The following SH3YL1 variants were observed in gnomAD, a reference collection of about 807,000 sequenced individuals.
SH3YL1 encodes the protein SH3 and SYLF domain containing 1, also known as SH3 domain-containing YSC84-like protein 1.
In SH3YL1, 41 loss-of-function variants were observed where a neutral mutation model predicts 45.8. That is an observed-to-expected ratio of 0.89 (90% CI 0.70 to 1.16). The LOEUF is 1.16. SH3YL1 is among the 50% of genes most tolerant of loss of function. SH3YL1 has a pLI of 0.00. For missense variants in SH3YL1, 389 were observed against 409.6 expected, an observed-to-expected ratio of 0.95 and a Z score of 0.43; for synonymous variants, 152 against 151.4, an observed-to-expected ratio of 1.00 and a Z score of -0.03.
chr2:255,560 G>C (rs1206903077), intron 1 of SH3YL1, among the ~76,000 whole-genome samples: 1 of 152,094 alleles, frequency 6.6e-6, no homozygotes, highest in Non-Finnish European at 1.5e-5. Context: ...CTGGGCTACT[G>C]CACTCCAGCC....
At chr2:259,344 T>C (rs1351840037) in intron 1 of SH3YL1, 1 of 152,178 alleles carries the variant, frequency 6.6e-6, no homozygotes, top group Non-Finnish European at 1.5e-5. Flanking sequence ...AGGGGGTTTC[T>C]CTCTGTTTCT....
At chr2:253,676 C>T (rs1202493562) in intron 1 of SH3YL1, among the ~76,000 whole-genome samples, 1 of 152,172 alleles carries the variant, frequency 6.6e-6, no homozygotes, top group African/African-American at 2.4e-5. Context: ...GTTGAGCAGC[C>T]CATGCCACTA....
intron 4 of SH3YL1, among the ~76,000 whole-genome samples, chr2:246,130 G>A (rs1012431626): frequency 2.6e-5 from 4 of 151,804 alleles, no homozygotes; most frequent in African/African-American, 9.7e-5. Flanking sequence ...GGGAGGTGGA[G>A]GTTGCAGTGA....
chr2:244,547 GAAAGAAAAGA>G (rs886606147), intron 4 of SH3YL1: 2 of 126,926 alleles, frequency 1.6e-5, no homozygotes, highest in African/African-American at 5.5e-5. Context: ...AAGAACGAAA[GAAAGAAAAGA>G]AAAGAAAAGA....
In SH3YL1 at chr2:231,020, T is replaced by C; in HGVS notation, c.702+3A>G. On this transcript the variant is annotated splice_donor_region_variant and intron_variant, in intron 7 of 9. Coordinates refer to ENST00000356150, the MANE Select transcript of SH3YL1 (RefSeq NM_015677.4). ...CTGAGTGAAACATAAAACCAAACGG[T>C]ACAGAAGACTTCCTCTGCTCCCTTG... 6.2e-7 allele frequency: 1 copy of C among 1,613,898 alleles called. No homozygotes were observed. Among genetic ancestry groups the C allele is most frequent in the Non-Finnish European group, 8.5e-7 (1 of 1,179,840 alleles).
At chr2:219,203 A>G (rs947386154) in intron 9 of SH3YL1, among the ~76,000 whole-genome samples, 2 of 152,188 alleles carry the variant, frequency 1.3e-5, no homozygotes, top group African/African-American at 4.8e-5. Flanking sequence ...GATTTAGCAC[A>G]TGCTTCTGGT....
chr2:222,884 T>G (rs1306208860), intron 9 of SH3YL1: 1 of 152,252 alleles, frequency 6.6e-6, no homozygotes, highest in Non-Finnish European at 1.5e-5. Context: ...GCCATGTAAC[T>G]GTGACTTTTC....
At chr2:264,139 G>A, upstream of SH3YL1, 2 of 1,153,642 alleles carry the variant, frequency 1.7e-6, no homozygotes, top group Non-Finnish European at 1.1e-6. Flanking sequence ...CGTTTCGCGG[G>A]ACAAAAACCA....
chr2:258,032 A>C (rs1382614420), intron 1 of SH3YL1, among the ~76,000 whole-genome samples: 1 of 152,136 alleles, frequency 6.6e-6, no homozygotes, highest in African/African-American at 2.4e-5. Flanking sequence ...TTGTACCATT[A>C]CCATGCTGTT....
rs1377548466 is a variant in SH3YL1 at position 218,786 on chromosome 2, C to A, written c.*25G>T. 2 of 1,512,426 alleles carry A rather than the reference C, an allele frequency of 1.3e-6. No homozygotes were observed. The highest frequency in any genetic ancestry group is 1.4e-5 in the South Asian group (1 of 72,664). 93.7% of individuals were successfully genotyped at this position (1,512,426 alleles called of 1,614,324 possible). Reference sequence around the variant, plus strand: ...GTGTAGAAATAATTTTTTTGTAATTCTCAAAGAAGAAAATAGTATACGCTT... The same window carrying A: ...GTGTAGAAATAATTTTTTTGTAATTATCAAAGAAGAAAATAGTATACGCTT... On this transcript the variant is annotated 3_prime_UTR_variant, in exon 10 of 10. Coordinates refer to ENST00000356150, the MANE Select transcript of SH3YL1 (RefSeq NM_015677.4).
At chr2:262,828 CATT>C (rs1250745853) in intron 1 of SH3YL1, 3 of 702,844 alleles carry the variant, frequency 4.3e-6, no homozygotes, top group Admixed American at 4.4e-5. Flanking sequence ...GATGAGCAAA[CATT>C]ATTTTAAACT....
At chr2:264,458 G>A (rs1669756446), upstream of SH3YL1, 1 of 185,038 alleles carries the variant, frequency 5.4e-6, no homozygotes, top group Non-Finnish European at 1.1e-5. Context: ...CGCGAGGCCT[G>A]AGCCCGCCCT....
At chr2:239,628 ATAAC>A (rs1428332936) in intron 4 of SH3YL1, 1 of 152,156 alleles carries the variant, frequency 6.6e-6, no homozygotes, top group Non-Finnish European at 1.5e-5. Flanking sequence ...TCACTGTTCT[ATAAC>A]TAACAAAAGA....
chr2:233,236 A>C lies in SH3YL1; in HGVS notation c.405-7T>G, dbSNP rs940199875. The C allele has an allele frequency of 1.3e-5, 20 of 1,555,824 alleles. No individual in the cohort carries two copies. In the African/African-American group the frequency reaches 2.6e-4, roughly 20 times the overall value. On this transcript the variant is annotated splice_region_variant and splice_polypyrimidine_tract_variant and intron_variant, in intron 5 of 9. Transcript: ENST00000356150. ...CACGTTTCCTTCCAAGTTCCTGCAA[A>C]GCACAAGATTTTGCATCACAAAGCT...
intron 6 of SH3YL1, among the ~76,000 whole-genome samples, chr2:232,041 A>G (rs962346310): frequency 5.6e-4 from 85 of 152,218 alleles, no homozygotes; most frequent in African/African-American, 2.0e-3. Context: ...CAGCCGATCA[A>G]GCTGGCAATG....
upstream of SH3YL1, chr2:264,054 G>A: frequency 4.4e-6 from 6 of 1,356,560 alleles, no homozygotes; most frequent in Non-Finnish European, 4.8e-6. Flanking sequence ...GCCCCGCCCC[G>A]CGGACAAGGA....
chr2:226,678 T>C (rs1466707075), intron 8 of SH3YL1, among the ~76,000 whole-genome samples: 1 of 151,828 alleles, frequency 6.6e-6, no homozygotes, highest in Admixed American at 6.6e-5. Context: ...AGAATGAAAA[T>C]GGACAGTGGG....
intron 4 of SH3YL1, among the ~76,000 whole-genome samples, chr2:239,284 G>A (rs569304165): frequency 1.5e-3 from 225 of 152,310 alleles, no homozygotes; most frequent in Middle Eastern, 3.4e-3. Flanking sequence ...TAATAGGTTA[G>A]CATCTCCCCA....
At chr2:237,821 C>CA (rs530025640) in intron 4 of SH3YL1, among the ~76,000 whole-genome samples, 1,715 of 148,534 alleles carry the variant, frequency 0.012, 15 homozygotes, top group Middle Eastern at 0.041. Context: ...CACTATAAAT[C>CA]AAAAAAAAAA....
Sources: gnomAD v4.1 joint callset for allele counts (sites outside exome capture counted in the v4.1 genomes callset) on GRCh38, gnomAD v4.1.1 for gene constraint, MANE v1.5 for transcripts, NCBI Gene and HGNC (gene_info 2026-07-23, HGNC 2026-07-21) for gene names.